WDFY4: variants seen among roughly 807,000 people sequenced by gnomAD.
WDFY4 encodes WD repeat- and FYVE domain-containing protein 4.
A neutral mutation model predicts 351.9 loss-of-function variants in WDFY4; 169 were observed. That is an observed-to-expected ratio of 0.48 (90% CI 0.42 to 0.55). The LOEUF is 0.55. Ranked by LOEUF, WDFY4 falls within the 20% of genes least tolerant of loss-of-function variation. The pLI is 0.00. For synonymous variants in WDFY4, 1,622 were observed against 1,574.6 expected (o/e 1.03, Z -0.71); for missense variants, 3,803 against 3,935.6 (o/e 0.97, Z 0.90).
At chr10:48,907,705 C>T (rs1837691990) in intron 47 of WDFY4, among the ~76,000 whole-genome samples, 1 of 152,166 alleles carries the variant, frequency 6.6e-6, no homozygotes, top group South Asian at 2.1e-4. Flanking sequence ...ATTTCTCCTC[C>T]TTCAATCCTG....
At chr10:48,866,628 C>G (rs1261059733) in intron 39 of WDFY4, among the ~76,000 whole-genome samples, 1 of 152,176 alleles carries the variant, frequency 6.6e-6, no homozygotes, top group Non-Finnish European at 1.5e-5. Context: ...ATTCAGCTCT[C>G]TTGGTAGCTC....
rs76512732 is a variant in WDFY4 at position 48,874,153 on chromosome 10, A to G, written c.6948+456A>G. ...TAACAAATTTTACGATGAAAATCTC[A>G]TGAACTTGACTGTTTCTGCAATTTT... On this transcript the variant is annotated intron_variant, in intron 41 of 61. Transcript: ENST00000325239. Among the ~76,000 whole-genome samples, 754 of 152,290 alleles carry G rather than the reference A, an allele frequency of 5.0e-3. 13 individuals carry two copies. The highest frequency in any genetic ancestry group is 0.017 in the African/African-American group (725 of 41,562).
At chr10:48,948,392 C>A (rs1181213794) in intron 51 of WDFY4, among the ~76,000 whole-genome samples, 1 of 152,212 alleles carries the variant, frequency 6.6e-6, no homozygotes, top group Non-Finnish European at 1.5e-5. Context: ...ATGATGATCA[C>A]CGTTGACGAT....
In WDFY4 at chr10:48,726,018, G is replaced by A; in HGVS notation, c.729G>A (p.Val243=). Residue 243 remains valine (V), a synonymous_variant, in exon 6 of 62, where the codon GTG becomes GTA. Coordinates refer to ENST00000325239, the MANE Select transcript of WDFY4 (RefSeq NM_001394531.1). The part of the protein sequence containing the change: ...CCFWKEPTFC[V]LRAISKAQNL... ...TCTGGAAGGAACCCACCTTCTGCGT[G>A]CTAAGGGCAATCTCCAAGGCCCAGA... The A allele has an allele frequency of 6.4e-7, 1 of 1,551,634 alleles. No homozygotes were observed. The highest frequency in any genetic ancestry group is 8.7e-7 in the Non-Finnish European group (1 of 1,146,960).
At chr10:48,746,021 C>A (rs920759959) in intron 12 of WDFY4, 5 of 170,542 alleles carry the variant, frequency 2.9e-5, no homozygotes, top group South Asian at 1.5e-4. Context: ...TTGACACTCT[C>A]GCAGCGCACC....
chr10:48,719,971 G>A (rs373360613), intron 2 of WDFY4, 40 bp from the exon 3 acceptor site: 89 of 1,529,974 alleles, frequency 5.8e-5, no homozygotes, highest in Non-Finnish European at 7.0e-5. Flanking sequence ...CCCTGCTTGT[G>A]GCATTGCTAT....
At chr10:48,748,442 TGTGC>T (rs1210838728) in intron 12 of WDFY4, among the ~76,000 whole-genome samples, 1 of 152,236 alleles carries the variant, frequency 6.6e-6, no homozygotes, top group Non-Finnish European at 1.5e-5. Flanking sequence ...TGCATTTGTC[TGTGC>T]GTGCGTGTAT....
intron 34 of WDFY4, 72 bp from the exon 35 acceptor site, chr10:48,822,307 CA>C: frequency 6.9e-7 from 1 of 1,444,882 alleles, no homozygotes. Flanking sequence ...TTGGTCACTA[CA>C]GGGGGCTTGG....
intron 47 of WDFY4, among the ~76,000 whole-genome samples, chr10:48,904,903 CA>C (rs1160099771): frequency 4.6e-5 from 7 of 152,172 alleles, no homozygotes; most frequent in Admixed American, 6.5e-5. Context: ...CTGTTATCCA[CA>C]AGGGGGTGAG....
In WDFY4 at chr10:48,810,566, C is replaced by T; in HGVS notation, c.4875C>T (p.Asp1625=). 1.9e-6 allele frequency: 3 copies of T among 1,551,686 alleles called. No homozygotes were observed. The highest frequency in any genetic ancestry group is 8.7e-7 in the Non-Finnish European group (1 of 1,146,968). Residue 1625 remains aspartate (D), a synonymous_variant, in exon 29 of 62, where the codon GAC becomes GAT. Coordinates refer to ENST00000325239, the MANE Select transcript of WDFY4 (RefSeq NM_001394531.1). The part of the protein sequence containing the change: ...KEEMFLKLGP[D]WFLLLLQGHL... The stretch of plus-strand genomic sequence containing the variant: ...AGATGTTTCTGAAACTGGGGCCTGA[C>T]TGGTTCCTGCTGCTCCTGCAGGGCC...
At chr10:48,905,104 A>C (rs552375942) in intron 47 of WDFY4, among the ~76,000 whole-genome samples, 1 of 152,298 alleles carries the variant, frequency 6.6e-6, no homozygotes, top group African/African-American at 2.4e-5. Flanking sequence ...CTATTCTGTA[A>C]TGTCACTCAG....
chr10:48,736,360 C>T (rs755041584), intron 11 of WDFY4: 88 of 594,356 alleles, frequency 1.5e-4, no homozygotes, highest in Non-Finnish European at 2.3e-4. Context: ...GGAAGAGAGA[C>T]CATGGGGAAC....
Position 48,826,900 on chromosome 10 carries a change from A to G in WDFY4, c.6212A>G (p.Asn2071Ser), listed in dbSNP as rs373364795. 38 of 1,551,524 alleles carry G rather than the reference A, an allele frequency of 2.4e-5. 1 individual carries two copies. The highest frequency in any genetic ancestry group is 2.4e-4 in the East Asian group (10 of 40,918). ...CTCATGCATTGCCTTTTGCTACTCAATGAGAGAAGGTAAGAGCTGCCCACT... is the reference window on the plus strand; with the variant it reads ...CTCATGCATTGCCTTTTGCTACTCAGTGAGAGAAGGTAAGAGCTGCCCACT... Reference protein sequence around the residue: ...LCLMHCLLLLNERSYPEGFGL... With the variant: ...LCLMHCLLLLSERSYPEGFGL... Residue 2071 changes from asparagine to serine, a missense_variant, in exon 36 of 62, where the codon AAT becomes AGT. Physicochemically the swap from Asn to Ser is conservative, Grantham distance 46. This residue lies in a region of WDFY4 where 3,054 missense variants were observed against 3,148.6 expected (regional missense o/e 0.97). Coordinates refer to ENST00000325239, the MANE Select transcript of WDFY4 (RefSeq NM_001394531.1).
In WDFY4 at chr10:48,820,381, C is replaced by T. The variant is rs1220151929; in HGVS notation, c.5653C>T (p.Leu1885Phe). ...REFTQLLLRE[L>F]LLGASSPKQW... ...GTTCACGCAGCTCCTCTTGAGGGAG[C>T]TCCTGCTTGGAGCCTCCAGCCCCAA... The change falls in exon 33 of 62, where the codon CTC becomes TTC. Residue 1885 changes from leucine to phenylalanine, a missense_variant. Physicochemically the swap from Leu to Phe is conservative, Grantham distance 22. This residue lies in a region of WDFY4 where 3,054 missense variants were observed against 3,148.6 expected (regional missense o/e 0.97). Coordinates refer to ENST00000325239, the MANE Select transcript of WDFY4 (RefSeq NM_001394531.1). 2 of 1,551,512 alleles carry T rather than the reference C, an allele frequency of 1.3e-6. No individual in the cohort carries two copies. The highest frequency in any genetic ancestry group is 2.7e-5 in the African/African-American group (2 of 73,026).
intron 46 of WDFY4, among the ~76,000 whole-genome samples, chr10:48,900,935 A>G (rs1837319295): frequency 6.6e-6 from 1 of 152,244 alleles, no homozygotes; most frequent in African/African-American, 2.4e-5. Flanking sequence ...CCTCATCATT[A>G]TAGACCACAG....
intron 52 of WDFY4, among the ~76,000 whole-genome samples, chr10:48,959,461 A>G (rs899489568): frequency 3.8e-4 from 58 of 152,348 alleles, no homozygotes; most frequent in Admixed American, 2.7e-3. Flanking sequence ...TGACACTGAA[A>G]TCATTTCAGA....
intron 55 of WDFY4, chr10:48,968,071 C>G (rs1257734546): frequency 6.6e-6 from 1 of 152,262 alleles, no homozygotes; most frequent in African/African-American, 2.4e-5. Flanking sequence ...CTCAAATCTC[C>G]CATGTGGGCT....
At chr10:48,824,107 G>A in intron 35 of WDFY4, 2 of 985,434 alleles carry the variant, frequency 2.0e-6, no homozygotes, top group African/African-American at 3.5e-5. Context: ...CTACAAATCA[G>A]GGTCTTCTAC....
At chr10:48,736,779 G>T (rs1377688711) in intron 11 of WDFY4, among the ~76,000 whole-genome samples, 1 of 152,178 alleles carries the variant, frequency 6.6e-6, no homozygotes, top group East Asian at 1.9e-4. Flanking sequence ...AAGTAGGAGA[G>T]ACCAATGCTG....
Sources: gnomAD v4.1 joint callset for allele counts (sites outside exome capture counted in the v4.1 genomes callset) on GRCh38, gnomAD v4.1.1 for gene constraint, gnomAD v4.1.1 regional missense constraint, MANE v1.5 for transcripts, NCBI Gene and HGNC (gene_info 2026-07-23, HGNC 2026-07-21) for gene names.